The following SFMBT2 variants were observed in gnomAD, a reference collection of about 807,000 sequenced individuals.
The protein encoded by SFMBT2 is scm-like with four MBT domains protein 2.
Under a neutral mutation model 110.1 loss-of-function variants are expected in SFMBT2, and 38 were observed. That is an observed-to-expected ratio of 0.35 (90% CI 0.27 to 0.45). The LOEUF is 0.45. SFMBT2 is among the 20% of genes least tolerant of loss of function. The probability of loss-of-function intolerance (pLI) is 1.00; values close to 1 mark genes in which losing one functional copy is unlikely to be tolerated. For synonymous variants in SFMBT2, 425 were observed against 425.4 expected, an observed-to-expected ratio of 1.00 and a Z score of 0.01; for missense variants, 1,011 against 1,094.9, an observed-to-expected ratio of 0.92 and a Z score of 1.08.
At chr10:7,185,731 GA>G (rs1298087812) in intron 16 of SFMBT2, among the ~76,000 whole-genome samples, 2 of 152,184 alleles carry the variant, frequency 1.3e-5, no homozygotes, top group Non-Finnish European at 2.9e-5. Flanking sequence ...GCCATTCAAA[GA>G]AGAGTTAAGA....
intron 4 of SFMBT2, among the ~76,000 whole-genome samples, chr10:7,324,555 T>C (rs1843313775): frequency 6.6e-6 from 1 of 152,218 alleles, no homozygotes; most frequent in Middle Eastern, 3.2e-3. Flanking sequence ...CAGAGTTTAC[T>C]CAAAGGCAGA....
intron 4 of SFMBT2, among the ~76,000 whole-genome samples, chr10:7,289,108 A>G (rs1268778399): frequency 6.6e-6 from 1 of 152,206 alleles, no homozygotes; most frequent in Non-Finnish European, 1.5e-5. Context: ...CAAACAGATA[A>G]ATCAGTAATT....
chr10:7,264,731 T>A (rs1001796334), intron 7 of SFMBT2, among the ~76,000 whole-genome samples: 2 of 152,136 alleles, frequency 1.3e-5, no homozygotes, highest in East Asian at 3.9e-4. Flanking sequence ...GAAACAGCGA[T>A]CAATTCAGCA....
rs1349696376 is a variant in SFMBT2 at position 7,164,032 on chromosome 10, C to T, written c.2545-122G>A. On this transcript the variant is annotated intron_variant, in intron 20 of 20. Coordinates refer to ENST00000397167, the MANE Select transcript of SFMBT2 (RefSeq NM_001387889.1). ...CAGGATGCTCTTGTTTCATTCAATT[C>T]AGGGGATTGTTGGTAGAGATACCAG... 20 of 1,407,478 alleles carry T rather than the reference C, an allele frequency of 1.4e-5. 2 individuals carry two copies. In the South Asian group the frequency reaches 3.1e-4, roughly 22 times the overall value. The allele number at this position is 1,407,478 out of a possible 1,614,324, so 87.2% of individuals were successfully genotyped here. A position where few individuals can be genotyped will look rare whatever the true frequency, so the allele number is the denominator to read the frequency against.
At chr10:7,258,851 T>C (rs1323733974) in intron 7 of SFMBT2, among the ~76,000 whole-genome samples, 1 of 152,246 alleles carries the variant, frequency 6.6e-6, no homozygotes, top group Non-Finnish European at 1.5e-5. Flanking sequence ...TTGATCACAC[T>C]GATTTCAATT....
intron 1 of SFMBT2, among the ~76,000 whole-genome samples, chr10:7,395,379 T>A (rs1845896426): frequency 6.6e-6 from 1 of 152,270 alleles, no homozygotes; most frequent in South Asian, 2.1e-4. Context: ...AAGTGTCTGA[T>A]GCTGTCCTAA....
intron 5 of SFMBT2, chr10:7,285,471 A>G (rs1245048741): frequency 6.5e-6 from 1 of 154,400 alleles, no homozygotes; most frequent in Non-Finnish European, 1.4e-5. Context: ...CGACTTATCA[A>G]TGTACTCCAA....
At chr10:7,321,423 G>A (rs1181958741) in intron 4 of SFMBT2, among the ~76,000 whole-genome samples, 3 of 152,024 alleles carry the variant, frequency 2.0e-5, no homozygotes, top group African/African-American at 7.2e-5. Flanking sequence ...GGATGGTCTC[G>A]ATCTCCTGAC....
chr10:7,347,751 G>A (rs949039084), intron 4 of SFMBT2, among the ~76,000 whole-genome samples: 14 of 152,124 alleles, frequency 9.2e-5, no homozygotes, highest in African/African-American at 2.9e-4. Context: ...TAAACATACT[G>A]TACTTTGATG....
rs184593674 is a variant in SFMBT2, at chr10:7,385,418, C to T, written c.-51-3469G>A. Among the ~76,000 whole-genome samples the T allele has an allele frequency of 1.5e-3, 224 of 152,122 alleles. 1 individual carries two copies. The highest frequency in any genetic ancestry group is 5.2e-3 in the African/African-American group (216 of 41,486). ...TCCAGTGATCACTCAGGGAAAATAC[C>T]GGGAATGTGGAGGGGAGAAGGGTGT... On this transcript the variant is annotated intron_variant, in intron 1 of 20. Coordinates refer to ENST00000397167, the MANE Select transcript of SFMBT2 (RefSeq NM_001387889.1).
rs974425956 is a variant in SFMBT2, at chr10:7,211,157, C to T, written c.1331-5229G>A. On this transcript the variant is annotated intron_variant, in intron 11 of 20. Coordinates refer to ENST00000397167, the MANE Select transcript of SFMBT2 (RefSeq NM_001387889.1). ...AGCCTTAGAAAGCACCTGGGGTGGG[C>T]GGCTATCTTTTTCCTTCCTCGTTTT... Among the ~76,000 whole-genome samples, 12 of 152,042 alleles carry T rather than the reference C, an allele frequency of 7.9e-5. No individual in the cohort carries two copies. The East Asian group carries it at 1.9e-3, about 24-fold the overall frequency.
chr10:7,198,096 C>T (rs1185671894), intron 14 of SFMBT2: 4 of 985,290 alleles, frequency 4.1e-6, no homozygotes, highest in Non-Finnish European at 4.8e-6. Context: ...AACTTCACCA[C>T]ACACAGAAGC....
At chr10:7,240,237 C>G (rs952186947) in intron 9 of SFMBT2, among the ~76,000 whole-genome samples, 5 of 152,132 alleles carry the variant, frequency 3.3e-5, no homozygotes, top group Non-Finnish European at 5.9e-5. Flanking sequence ...AGCAAACACT[C>G]ATAGGTACTG....
chr10:7,256,306 C>T (rs893852276), intron 7 of SFMBT2, among the ~76,000 whole-genome samples: 4 of 152,210 alleles, frequency 2.6e-5, no homozygotes, highest in Non-Finnish European at 5.9e-5. Context: ...TACAAGCAAA[C>T]AATACCACTA....
At chr10:7,323,688 A>G (rs892989278) in intron 4 of SFMBT2, among the ~76,000 whole-genome samples, 3 of 152,100 alleles carry the variant, frequency 2.0e-5, no homozygotes, top group South Asian at 4.1e-4. Context: ...TTTAGGTTTG[A>G]TATGTCCAAA....
At chr10:7,298,715 G>A (rs538772151) in intron 4 of SFMBT2, among the ~76,000 whole-genome samples, 66 of 148,148 alleles carry the variant, frequency 4.5e-4, no homozygotes, top group African/African-American at 1.6e-3. Flanking sequence ...GCATATGTGC[G>A]TATGTATGTG....
intron 17 of SFMBT2, among the ~76,000 whole-genome samples, chr10:7,173,501 T>A (rs1480888745): frequency 6.6e-6 from 1 of 152,236 alleles, no homozygotes; most frequent in Non-Finnish European, 1.5e-5. Flanking sequence ...CTCTATTACA[T>A]CATTGTATAC....
At chr10:7,385,765 C>T (rs1030633918) in intron 1 of SFMBT2, among the ~76,000 whole-genome samples, 24 of 152,020 alleles carry the variant, frequency 1.6e-4, no homozygotes, top group Admixed American at 5.2e-4. Flanking sequence ...TTTGGGAGGC[C>T]GAGGCGGGCG....
chr10:7,396,319 G>C (rs529906522), intron 1 of SFMBT2, among the ~76,000 whole-genome samples: 1 of 152,186 alleles, frequency 6.6e-6, no homozygotes, highest in Non-Finnish European at 1.5e-5. Flanking sequence ...GAGATCTGCC[G>C]GGTCATCCAG....
Sources: allele counts gnomAD v4.1 joint callset (sites outside exome capture counted in the v4.1 genomes callset), GRCh38; gene constraint gnomAD v4.1.1; transcripts MANE v1.5; gene names NCBI Gene and HGNC (gene_info 2026-07-23, HGNC 2026-07-21).